BMPR1B: variants seen among roughly 807,000 people sequenced by gnomAD.
The protein encoded by BMPR1B is bone morphogenetic protein receptor type 1B.
BMPR1B carries 12 observed loss-of-function variants against 59.1 expected under a neutral mutation model. The ratio of observed to expected loss-of-function variants is 0.20; its 90% CI spans 0.13 to 0.33. The LOEUF is 0.33. BMPR1B is among the 10% of genes least tolerant of loss of function. The probability of loss-of-function intolerance (pLI) is 1.00; values close to 1 mark genes in which losing one functional copy is unlikely to be tolerated. For missense variants in BMPR1B, 550 were observed against 610.9 expected (o/e 0.90, Z 1.05); for synonymous variants, 237 against 207.3 (o/e 1.14, Z -1.23).
intron 2 of BMPR1B, among the ~76,000 whole-genome samples, chr4:94,980,374 A>C (rs901224036): frequency 6.6e-6 from 1 of 152,122 alleles, no homozygotes; most frequent in Non-Finnish European, 1.5e-5. Context: ...CCTCTGGTAA[A>C]TTCCTCTGTG....
chr4:95,130,561 T>C (rs1733254552), intron 9 of BMPR1B, among the ~76,000 whole-genome samples: 1 of 152,150 alleles, frequency 6.6e-6, no homozygotes, highest in Non-Finnish European at 1.5e-5. Context: ...CAATGTCTTA[T>C]GTGTAACCAT....
chr4:95,081,881 A>G (rs762053251), intron 3 of BMPR1B, among the ~76,000 whole-genome samples: 1 of 152,238 alleles, frequency 6.6e-6, no homozygotes, highest in Non-Finnish European at 1.5e-5. Context: ...CTTCTGTTAA[A>G]TTAGACGTTA....
chr4:94,829,307 T>C (rs1724489612), intron 1 of BMPR1B, among the ~76,000 whole-genome samples: 2 of 149,998 alleles, frequency 1.3e-5, no homozygotes, highest in Non-Finnish European at 2.9e-5. Flanking sequence ...GGAAATTCTT[T>C]CAACAATGAT....
intron 1 of BMPR1B, among the ~76,000 whole-genome samples, chr4:94,865,330 A>C (rs1267063037): frequency 7.1e-6 from 1 of 141,222 alleles, no homozygotes; most frequent in Admixed American, 6.8e-5. Context: ...TGTATACTTT[A>C]ATCTATTAAA....
intron 3 of BMPR1B, among the ~76,000 whole-genome samples, chr4:95,095,990 T>C (rs1730343449): frequency 6.6e-6 from 1 of 151,686 alleles, no homozygotes; most frequent in African/African-American, 2.4e-5. Context: ...TTTGTAACAT[T>C]GTACTCTTGA....
chr4:95,105,772 C>T (rs1032294574), intron 4 of BMPR1B, among the ~76,000 whole-genome samples: 21 of 152,070 alleles, frequency 1.4e-4, no homozygotes, highest in South Asian at 4.1e-4. Context: ...CAAGGTAAAA[C>T]GATTCCAAAG....
intron 1 of BMPR1B, among the ~76,000 whole-genome samples, chr4:94,809,368 C>T (rs968215979): frequency 3.9e-5 from 6 of 152,284 alleles, no homozygotes; most frequent in Admixed American, 3.9e-4. Context: ...TTATTTCTTA[C>T]ATTTAAACAA....
chr4:94,980,453 A>C (rs1731193291), intron 2 of BMPR1B, among the ~76,000 whole-genome samples: 1 of 152,052 alleles, frequency 6.6e-6, no homozygotes, highest in South Asian at 2.1e-4. Flanking sequence ...ATGAGAAAAA[A>C]AATTGATTCC....
intron 1 of BMPR1B, among the ~76,000 whole-genome samples, chr4:94,836,786 T>C (rs1174047462): frequency 7.4e-6 from 1 of 135,476 alleles, no homozygotes; most frequent in Non-Finnish European, 1.7e-5. Context: ...GTCAATTTTG[T>C]CTTCTGTTGC....
At chr4:95,133,570 CT>C (rs1215749907) in intron 10 of BMPR1B, among the ~76,000 whole-genome samples, 2 of 151,990 alleles carry the variant, frequency 1.3e-5, no homozygotes, top group Non-Finnish European at 1.5e-5. Context: ...TTTGAGACAC[CT>C]TTTTTTATTT....
chr4:94,779,103 A>G (rs1260256511), intron 1 of BMPR1B, among the ~76,000 whole-genome samples: 1 of 152,158 alleles, frequency 6.6e-6, no homozygotes, highest in African/African-American at 2.4e-5. Flanking sequence ...GTCCACCCCA[A>G]CATCATAATG....
intron 3 of BMPR1B, among the ~76,000 whole-genome samples, chr4:95,048,160 G>A (rs1472885709): frequency 6.6e-6 from 1 of 152,128 alleles, no homozygotes; most frequent in East Asian, 1.9e-4. Context: ...ATTCCATGGT[G>A]TATATGTACC....
chr4:94,988,685 A>G (rs1427401010), intron 2 of BMPR1B, among the ~76,000 whole-genome samples: 1 of 152,176 alleles, frequency 6.6e-6, no homozygotes, highest in Admixed American at 6.5e-5. Flanking sequence ...ATGGGTATGT[A>G]TTACAATAAA....
chr4:94,886,799 C>T (rs1727186245), intron 2 of BMPR1B, among the ~76,000 whole-genome samples: 2 of 152,108 alleles, frequency 1.3e-5, no homozygotes, highest in South Asian at 4.1e-4. Flanking sequence ...GGTATACACA[C>T]AGAAACTGGG....
chr4:94,891,996 A>G (rs1265091882), intron 2 of BMPR1B, among the ~76,000 whole-genome samples: 2 of 152,074 alleles, frequency 1.3e-5, no homozygotes, highest in African/African-American at 2.4e-5. Flanking sequence ...TCTGACATAT[A>G]AAGCACTGTC....
Position 95,045,218 on chromosome 4 carries a change from ATAT to A in BMPR1B, c.-18+49091_-18+49093del, listed in dbSNP as rs557792568. Among the ~76,000 whole-genome samples, 28 of 152,256 alleles carry A rather than the reference ATAT, an allele frequency of 1.8e-4. No homozygotes were observed. The South Asian group carries it at 5.6e-3, about 30-fold the overall frequency. ...ATTGTTCTCATTAAGAATAACAAAT[ATAT>A]TATTATGTTTTCTTAGATACAAAGG... On this transcript the variant is annotated intron_variant, in intron 3 of 12. Coordinates refer to ENST00000515059, the MANE Select transcript of BMPR1B (RefSeq NM_001203.3).
rs370574255 is a variant in BMPR1B at position 95,010,712 on chromosome 4, T to C, written c.-18+14578T>C. 2.6e-4 allele frequency among the ~76,000 whole-genome samples: 39 copies of C among 152,302 alleles called. No individual in the cohort carries two copies. In the South Asian group the frequency reaches 7.5e-3, roughly 29 times the overall value. On this transcript the variant is annotated intron_variant, in intron 3 of 12. Coordinates refer to ENST00000515059, the MANE Select transcript of BMPR1B (RefSeq NM_001203.3). ...GTTACCCCTTAATCCAGAGCAATGT[T>C]GTATCTTTACTTTATGTCTTATGAT...
intron 2 of BMPR1B, among the ~76,000 whole-genome samples, chr4:94,896,905 G>A (rs1447920630): frequency 6.6e-6 from 1 of 152,004 alleles, no homozygotes; most frequent in African/African-American, 2.4e-5. Context: ...TGCTTTGAAA[G>A]ATTTAGTATC....
chr4:94,863,031 T>TC (rs1167561962), intron 1 of BMPR1B, among the ~76,000 whole-genome samples: 2 of 141,348 alleles, frequency 1.4e-5, no homozygotes, highest in East Asian at 4.2e-4. Context: ...GGCGGAAGAA[T>TC]CGCTTGACCT....
Sources: allele counts gnomAD v4.1 joint callset (sites outside exome capture counted in the v4.1 genomes callset), GRCh38; gene constraint gnomAD v4.1.1; transcripts MANE v1.5; gene names NCBI Gene and HGNC (gene_info 2026-07-23, HGNC 2026-07-21).